Variants in NLRC5 observed in about 807,000 individuals in gnomAD.
NLRC5 encodes the protein NLR family CARD domain containing 5, also known as protein NLRC5.
NLRC5 carries 114 observed loss-of-function variants against 206.9 expected under a neutral mutation model. The observed-to-expected ratio is 0.55, with a 90% CI of 0.47 to 0.64. The LOEUF is 0.64. Ranked by LOEUF, NLRC5 falls within the 30% of genes least tolerant of loss-of-function variation. The pLI is 0.00. For synonymous variants in NLRC5, 952 were observed against 962.8 expected (o/e 0.99, Z 0.21); for missense variants, 2,008 against 2,305.5 (o/e 0.87, Z 2.64).
Position 57,025,537 on chromosome 16 carries a change from C to T in NLRC5, c.594C>T (p.Asp198=), listed in dbSNP as rs201748759. Residue 198 remains aspartate (D), a synonymous_variant, in exon 6 of 49, where the codon GAC becomes GAT. Coordinates refer to ENST00000688547, the MANE Select transcript of NLRC5 (RefSeq NM_001384950.1). The part of the protein sequence containing the change: ...LDTPEGAIMG[D]VKVEDGADVS... ...CTCCGGAGGGGGCCATTATGGGGGACGTCAAGGTGGAAGATGGTGCTGACG... is the reference window on the plus strand; with the variant it reads ...CTCCGGAGGGGGCCATTATGGGGGATGTCAAGGTGGAAGATGGTGCTGACG... 1.9e-6 allele frequency: 3 copies of T among 1,613,468 alleles called. No homozygotes were observed. The highest frequency in any genetic ancestry group is 2.2e-5 in the East Asian group (1 of 44,854).
At position 57,020,898 on chromosome 16, in the gene NLRC5, T is replaced by C; in HGVS notation, c.186T>C (p.His62=). ...TCATCCTGCAACTCAACAAGCTGCA[T>C]GTCCAGGGTTCGGACACCTGGCAGT... is the stretch of plus-strand genomic sequence containing the variant. ...QRVILQLNKL[H]VQGSDTWQSF... The change falls in exon 3 of 49, where the codon CAT becomes CAC. Residue 62 remains histidine (H), a synonymous_variant. Transcript: ENST00000688547. 2 of 1,613,918 alleles carry C rather than the reference T, an allele frequency of 1.2e-6. No individual in the cohort carries two copies. The highest frequency in any genetic ancestry group is 1.7e-6 in the Non-Finnish European group (2 of 1,179,976).
chr16:57,061,317 A>T (rs1380961145), intron 30 of NLRC5, 131 bp from the exon 31 acceptor site: 1 of 844,608 alleles, frequency 1.2e-6, no homozygotes, highest in African/African-American at 1.7e-5. Context: ...TTGGCCTCTC[A>T]GGCCCTGCTC....
intron 21 of NLRC5, 63 bp downstream of exon 21, chr16:57,045,555 T>A: frequency 6.6e-7 from 1 of 1,518,014 alleles, no homozygotes; most frequent in Non-Finnish European, 9.1e-7. Context: ...CTGTTGGAGG[T>A]CCCCCCACCC....
chr16:57,048,593 G>T (rs1196442929), intron 23 of NLRC5, among the ~76,000 whole-genome samples: 1 of 152,134 alleles, frequency 6.6e-6, no homozygotes, highest in African/African-American at 2.4e-5. Flanking sequence ...GAGTGCAATG[G>T]CGTGATCTCG....
At chr16:57,079,333 G>A (rs936220988) in intron 45 of NLRC5, 41 bp downstream of exon 45, 3 of 1,599,498 alleles carry the variant, frequency 1.9e-6, no homozygotes, top group Admixed American at 1.7e-5. Context: ...CCAGTGGCAG[G>A]CTGAGGGCAG....
rs144796094 is a variant in NLRC5, at chr16:57,045,956, A to G, written c.3248+464A>G. Among the ~76,000 whole-genome samples the G allele has an allele frequency of 2.5e-3, 381 of 152,306 alleles. 2 individuals carry two copies. Among genetic ancestry groups the G allele is most frequent in the Non-Finnish European group, 4.6e-3 (312 of 68,032 alleles). ...ACCAATACTAGTTTAGCTCTTCATGATGTTCCCGGCTGCCCTCTAGTGGGA... is the reference window on the plus strand; with the variant it reads ...ACCAATACTAGTTTAGCTCTTCATGGTGTTCCCGGCTGCCCTCTAGTGGGA... On this transcript the variant is annotated intron_variant, in intron 21 of 48. Transcript: ENST00000688547.
intron 20 of NLRC5, among the ~76,000 whole-genome samples, chr16:57,044,767 T>A (rs1201784849): frequency 6.6e-6 from 1 of 150,404 alleles, no homozygotes; most frequent in East Asian, 2.0e-4. Flanking sequence ...ACAGAAACTT[T>A]AAAAATTAGC....
intron 1 of NLRC5, chr16:57,013,104 C>G (rs1349184360): frequency 3.7e-6 from 1 of 272,064 alleles, no homozygotes; most frequent in Non-Finnish European, 7.4e-6. Context: ...TACATAAGAT[C>G]ACAATTATAG....
chr16:57,054,643 T>C (rs2065363225), intron 24 of NLRC5, 108 bp from the exon 25 acceptor site: 2 of 841,988 alleles, frequency 2.4e-6, no homozygotes, highest in Non-Finnish European at 4.1e-6. Context: ...TGCTTCCCTA[T>C]TGCCTTGCTG....
chr16:57,066,642 G>A, intron 34 of NLRC5, 28 bp downstream of exon 34: 1 of 1,596,208 alleles, frequency 6.3e-7, no homozygotes, highest in Non-Finnish European at 8.6e-7. Flanking sequence ...GGACCCCAAG[G>A]CAGGGGCTGG....
chr16:57,076,911 C>T lies in NLRC5; in HGVS notation c.4835+9C>T. The T allele has an allele frequency of 6.2e-7, 1 of 1,612,754 alleles. No homozygotes were observed. Among genetic ancestry groups the T allele is most frequent in the Non-Finnish European group, 8.5e-7 (1 of 1,179,156 alleles). ...AGCCTAGAGGAGCTGGAGTGAGTTG[C>T]CCATTCTGCCCCCAGACCCAGGACA... On this transcript the variant is annotated intron_variant, in intron 40 of 48. Coordinates refer to ENST00000688547, the MANE Select transcript of NLRC5 (RefSeq NM_001384950.1).
chr16:56,999,299 A>C (rs968632516), intron 1 of NLRC5, among the ~76,000 whole-genome samples: 2 of 152,242 alleles, frequency 1.3e-5, no homozygotes, highest in African/African-American at 4.8e-5. Flanking sequence ...CTGGGCCCCA[A>C]GGCTGTCCAT....
At chr16:57,070,751 GGTGA>G (rs1379154074) in intron 38 of NLRC5, 133 bp downstream of exon 38, 3 of 731,516 alleles carry the variant, frequency 4.1e-6, no homozygotes, top group African/African-American at 1.7e-5. Context: ...TGGGGAATGG[GGTGA>G]GTGAGTGGTG....
intron 5 of NLRC5, among the ~76,000 whole-genome samples, chr16:57,024,144 T>TC (rs1228187882): frequency 6.6e-6 from 1 of 152,212 alleles, no homozygotes; most frequent in African/African-American, 2.4e-5. Flanking sequence ...TCCAGGCTTT[T>TC]CCAGGGACAC....
chr16:57,000,709 A>G (rs1171380101), intron 1 of NLRC5, among the ~76,000 whole-genome samples: 1 of 152,200 alleles, frequency 6.6e-6, no homozygotes, highest in East Asian at 1.9e-4. Context: ...TGGTTTTCAC[A>G]GGCAACAGTC....
intron 11 of NLRC5, among the ~76,000 whole-genome samples, chr16:57,032,282 C>T (rs1215931796): frequency 6.6e-6 from 1 of 151,792 alleles, no homozygotes; most frequent in African/African-American, 2.4e-5. Context: ...CACCTGTAGT[C>T]CCAGCTACTC....
intron 44 of NLRC5, 44 bp downstream of exon 44, chr16:57,079,177 C>T (rs748205084): frequency 8.1e-6 from 13 of 1,613,502 alleles, no homozygotes; most frequent in South Asian, 2.2e-5. Flanking sequence ...CAGTCCTGGG[C>T]GGGTCTGGGG....
rs1324717923 is a variant in NLRC5 at position 57,026,574 on chromosome 16, A to G, written c.1631A>G (p.His544Arg). 1.9e-6 allele frequency: 3 copies of G among 1,613,978 alleles called. No individual in the cohort carries two copies. The highest frequency in any genetic ancestry group is 2.5e-6 in the Non-Finnish European group (3 of 1,180,024). The change falls in exon 6 of 49, where the codon CAT becomes CGT. Residue 544 changes from histidine to arginine, a missense_variant. Transcript: ENST00000688547. Reference protein sequence around the residue: ...KDTLTQYVTLHSRWVQRTKAR... With the variant: ...KDTLTQYVTLRSRWVQRTKAR... Reference sequence around the variant, plus strand: ...ACACTTACCCAGTATGTTACCCTCCATTCCCGCTGGGTACAGCGGACCAAA... The same window carrying G: ...ACACTTACCCAGTATGTTACCCTCCGTTCCCGCTGGGTACAGCGGACCAAA...
intron 43 of NLRC5, 118 bp from the exon 44 acceptor site, chr16:57,078,932 A>G: frequency 1.1e-6 from 1 of 892,330 alleles, no homozygotes; most frequent in Admixed American, 2.2e-5. Context: ...TCCTGTGTGG[A>G]TGGGGAATTA....
Sources: allele counts gnomAD v4.1 joint callset (sites outside exome capture counted in the v4.1 genomes callset), GRCh38; gene constraint gnomAD v4.1.1; transcripts MANE v1.5; gene names NCBI Gene and HGNC (gene_info 2026-07-23, HGNC 2026-07-21).